FAM83H: variants seen among roughly 807,000 people sequenced by gnomAD.
FAM83H encodes scaffolding CK1 anchoring protein H, also known as protein FAM83H.
FAM83H carries 24 observed loss-of-function variants against 30.2 expected under a neutral mutation model. That is an observed-to-expected ratio of 0.79 (90% CI 0.57 to 1.12). The LOEUF (loss-of-function observed/expected upper bound fraction) is 1.12, where lower values mean the gene tolerates loss of function less well. FAM83H is among the 50% of genes most tolerant of loss of function. The pLI is 0.00. For synonymous variants in FAM83H, 1,013 were observed against 821.7 expected (o/e 1.23, Z -3.98); for missense variants, 2,038 against 1,773.9 (o/e 1.15, Z -2.67).
Position 143,728,273 on chromosome 8 carries a change from G to A in FAM83H, c.1188C>T (p.Phe396=), listed in dbSNP as rs1405295594. ...PAGELAGARG[F]FQARHLEMDA... ...CCATCTCCAGGTGCCGCGCCTGGAA[G>A]AAGCCCCGCGCGCCCGCGAGCTCCC... Residue 396 remains phenylalanine (F), a synonymous_variant, in exon 5 of 5, where the codon TTC becomes TTT. Transcript: ENST00000388913. 5.9e-6 allele frequency: 9 copies of A among 1,529,234 alleles called. No individual in the cohort carries two copies. The highest frequency in any genetic ancestry group is 2.0e-5 in the Admixed American group (1 of 49,440). 94.7% of individuals were successfully genotyped at this position (1,529,234 alleles called of 1,614,324 possible). A position where few individuals can be genotyped will look rare whatever the true frequency, so the allele number is the denominator to read the frequency against.
At position 143,725,666 on chromosome 8, in the gene FAM83H, G is replaced by A; in HGVS notation, c.*255C>T. ...CACGCAAGGCTGACGGTGCAGAGAT[G>A]AAGGTGCTGAGGGGAGAAAGGCACT... On this transcript the variant is annotated 3_prime_UTR_variant, in exon 5 of 5. Transcript: ENST00000388913. The A allele has an allele frequency of 1.7e-6, 1 of 602,924 alleles. No homozygotes were observed. The allele number at this position is 602,924 out of a possible 1,614,324, so 37.3% of individuals were successfully genotyped here. A position where few individuals can be genotyped will look rare whatever the true frequency, so the allele number is the denominator to read the frequency against.
rs782362735 is a variant in FAM83H at position 143,727,583 on chromosome 8, G to A, written c.1878C>T (p.Leu626=). ...CTGCTGGGACGCGGAAGGCCGAGGG[G>A]AGCAGGTCGCCGGCAGGTGCCCGGC... ...PGGRAPAGDL[L]PSAFRVPAAF... Residue 626 remains leucine (L), a synonymous_variant, in exon 5 of 5, where the codon CTC becomes CTT. Transcript: ENST00000388913. 7 of 1,586,142 alleles carry A rather than the reference G, an allele frequency of 4.4e-6. No homozygotes were observed. Among genetic ancestry groups the A allele is most frequent in the Middle Eastern group, 3.8e-4 (2 of 5,258 alleles).
At position 143,729,281 on chromosome 8, in the gene FAM83H, G is replaced by A. The variant is rs1554623799; in HGVS notation, c.490C>T (p.Leu164Phe). Residue 164 changes from leucine (L) to phenylalanine (F), a missense_variant, in exon 3 of 5, where the codon CTC (leucine) becomes TTC (phenylalanine). Transcript: ENST00000388913. ...GCCGCGGCCTCCAGCACTTCGCTGA[G>A]CAGGTCCACATCAGTGAACATGTCC... is the stretch of plus-strand genomic sequence containing the variant. ...VMDMFTDVDLLSEVLEAAARR... is the reference protein window; with the variant it reads ...VMDMFTDVDLFSEVLEAAARR... 2 of 1,613,384 alleles carry A rather than the reference G, an allele frequency of 1.2e-6. No homozygotes were observed. The highest frequency in any genetic ancestry group is 2.2e-5 in the East Asian group (1 of 44,874).
At chr8:143,732,760 C>G (rs1334105085) in intron 1 of FAM83H, 1 of 984,192 alleles carries the variant, frequency 1.0e-6, no homozygotes, top group Non-Finnish European at 1.2e-6. Context: ...GATGGAGCAC[C>G]CCAGTGGCCT....
In FAM83H at chr8:143,724,068, A is replaced by G. The variant is rs1205975113; in HGVS notation, c.*1853T>C. On this transcript the variant is annotated 3_prime_UTR_variant, in exon 5 of 5. Transcript: ENST00000388913. ...TGGCCTCTCCATGGACTCCAGCTGG[A>G]GAGCCTGTCCGCTCAGCAACACCCC... is the stretch of plus-strand genomic sequence containing the variant. 2.0e-5 allele frequency: 3 copies of G among 152,282 alleles called. No individual in the cohort carries two copies. Among genetic ancestry groups the G allele is most frequent in the African/African-American group, 7.2e-5 (3 of 41,454 alleles). 9.4% of individuals were successfully genotyped at this position (152,282 alleles called of 1,614,324 possible).
Position 143,728,204 on chromosome 8 carries a change from G to GGCGCCC in FAM83H, c.1251_1256dup (p.Gly418_Ala419dup), listed in dbSNP as rs781839808. The GGCGCCC allele has an allele frequency of 6.2e-7, 1 of 1,601,244 alleles. No homozygotes were observed. The highest frequency in any genetic ancestry group is 8.5e-7 in the Non-Finnish European group (1 of 1,177,580). On this transcript the variant is annotated inframe_insertion, in exon 5 of 5. Coordinates refer to ENST00000388913, the MANE Select transcript of FAM83H (RefSeq NM_198488.5). ...GCCGCGCGGCCGCGAAGTTCTCCACGGCGCCCGCGCCCTCGGTCGCGAAGC... is the reference window on the plus strand; with the variant it reads ...GCCGCGCGGCCGCGAAGTTCTCCACGGCGCCCGCGCCCGCGCCCTCGGTCGCGAAGC...
At chr8:143,729,528 AG>A (rs1563761246) in intron 2 of FAM83H, among the ~76,000 whole-genome samples, 1 of 152,154 alleles carries the variant, frequency 6.6e-6, no homozygotes, top group Non-Finnish European at 1.5e-5. Flanking sequence ...GCTGGCCATA[AG>A]GGGGAAACCG....
In FAM83H at chr8:143,726,103, G is replaced by A; in HGVS notation, c.3358C>T (p.Leu1120=). The A allele has an allele frequency of 6.2e-7, 1 of 1,610,440 alleles. No homozygotes were observed. The highest frequency in any genetic ancestry group is 8.5e-7 in the Non-Finnish European group (1 of 1,179,062). The change falls in exon 5 of 5, where the codon CTG becomes TTG. Residue 1120 remains leucine, a synonymous_variant. Coordinates refer to ENST00000388913, the MANE Select transcript of FAM83H (RefSeq NM_198488.5). ...TTGCGCATGCTCTCCATGCGGCGCA[G>A]CAGCCGATCGCGCTCCTCCGCGCTG... is the stretch of plus-strand genomic sequence containing the variant. ...PASAEERDRL[L]RRMESMRKEK...
chr8:143,732,658 G>C, intron 1 of FAM83H: 1 of 985,406 alleles, frequency 1.0e-6, no homozygotes, highest in Non-Finnish European at 1.2e-6. Flanking sequence ...GTGATGCCCA[G>C]ACCTCCAACT....
chr8:143,725,574 G>C lies in FAM83H; in HGVS notation c.*347C>G. On this transcript the variant is annotated 3_prime_UTR_variant, in exon 5 of 5. Transcript: ENST00000388913. The stretch of plus-strand genomic sequence containing the variant: ...CCGCTCAACTGCACTCCAGCCCTAG[G>C]TCTCAAAAAAATAAAGGGGGCGGGG... 2.5e-6 allele frequency: 1 copy of C among 403,604 alleles called. No individual in the cohort carries two copies. The highest frequency in any genetic ancestry group is 4.6e-6 in the Non-Finnish European group (1 of 217,906). 25.0% of individuals were successfully genotyped at this position (403,604 alleles called of 1,614,324 possible).
In FAM83H at chr8:143,730,170, T is replaced by A. The variant is rs1554624012; in HGVS notation, c.413A>T (p.Asp138Val). ...GGAACGGATCATCCTGCGGGCCTCATCCTTGATACTGGGGCTGTCGGGGGG... is the reference window on the plus strand; with the variant it reads ...GGAACGGATCATCCTGCGGGCCTCAACCTTGATACTGGGGCTGTCGGGGGG... ...PPPPDSPSIK[D>V]EARRMIRSAQ... The change falls in exon 2 of 5, where the codon GAT becomes GTT. Residue 138 changes from aspartate to valine, a missense_variant. Physicochemically the swap from Asp to Val is radical, Grantham distance 152 (BLOSUM62 -3). Coordinates refer to ENST00000388913, the MANE Select transcript of FAM83H (RefSeq NM_198488.5). The A allele has an allele frequency of 2.5e-6, 4 of 1,601,972 alleles. No individual in the cohort carries two copies. Among genetic ancestry groups the A allele is most frequent in the Non-Finnish European group, 3.4e-6 (4 of 1,172,240 alleles).
At position 143,729,084 on chromosome 8, in the gene FAM83H, C is replaced by T. The variant is rs782737425; in HGVS notation, c.620G>A (p.Arg207His). The change falls in exon 4 of 5, where the codon CGC becomes CAC. Residue 207 changes from arginine (R) to histidine (H), a missense_variant. Transcript: ENST00000388913. ...RVNLQHVDFL[R>H]VRTVAGPTYY... ...GGTGGGGCCCGCCACAGTCCGTACG[C>T]GCAGGAACTGGGGAGGGAGGGGAGT... 5 of 1,613,518 alleles carry T rather than the reference C, an allele frequency of 3.1e-6. No homozygotes were observed. The highest frequency in any genetic ancestry group is 1.1e-5 in the South Asian group (1 of 91,088).
rs11136321 is a variant in FAM83H at position 143,726,577 on chromosome 8, G to A, written c.2884C>T (p.Leu962=). 1,172,781 of 1,602,914 alleles carry A rather than the reference G, an allele frequency of 0.73. 441,022 individuals are homozygous for A. The highest frequency in any genetic ancestry group is 0.78 in the Non-Finnish European group (919,548 of 1,179,318). Residue 962 remains leucine, a synonymous_variant, in exon 5 of 5, where the codon CTG becomes TTG. Coordinates refer to ENST00000388913, the MANE Select transcript of FAM83H (RefSeq NM_198488.5). ...CTAAGACGCAAGGAGCCTTTGCGCA[G>A]GACTTCCATGGGGCCGCTCGGCCCC... is the stretch of plus-strand genomic sequence containing the variant. ...EEGPSGPMEV[L]RKGSLRLRQL...
At chr8:143,731,971 C>T (rs782622582) in intron 1 of FAM83H, 168 of 985,348 alleles carry the variant, frequency 1.7e-4, no homozygotes, top group Non-Finnish European at 2.0e-4. Flanking sequence ...CACTGCTCCT[C>T]GGGTTGGGGA....
intron 1 of FAM83H, chr8:143,731,570 C>T: frequency 1.6e-5 from 16 of 985,236 alleles, no homozygotes; most frequent in Non-Finnish European, 1.9e-5. Context: ...CTCCCAGCAC[C>T]CCCTCCTTCC....
Position 143,728,529 on chromosome 8 carries a change from A to G in FAM83H, c.932T>C (p.Val311Ala). The change falls in exon 5 of 5, where the codon GTC becomes GCC. Residue 311 changes from valine to alanine, a missense_variant. Physicochemically the swap from Val to Ala is moderately conservative, Grantham distance 64. Transcript: ENST00000388913. ...GGGGGTTGGCGCCCCGACCCCAGGGACGCCCACGAGAGGCCCGGCCCCGGC... is the reference window on the plus strand; with the variant it reads ...GGGGGTTGGCGCCCCGACCCCAGGGGCGCCCACGAGAGGCCCGGCCCCGGC... ...PYAGAGPLVG[V>A]PGVGAPTPFS... 6.4e-7 allele frequency: 1 copy of G among 1,564,708 alleles called. No homozygotes were observed. Among genetic ancestry groups the G allele is most frequent in the Non-Finnish European group, 8.7e-7 (1 of 1,155,022 alleles).
chr8:143,730,490 C>A lies in FAM83H; in HGVS notation c.93G>T (p.Ala31=). 6.2e-7 allele frequency: 1 copy of A among 1,607,150 alleles called. No individual in the cohort carries two copies. Residue 31 remains alanine (A), a synonymous_variant, in exon 2 of 5, where the codon GCG becomes GCT. Transcript: ENST00000388913. The part of the protein sequence containing the change: ...PPHYKEYYRL[A]VDALAEGGSE... ...AGCCACCCTCGGCCAGTGCATCCACCGCCAGGCGGTAGTACTCTTTGTAGT... is the reference window on the plus strand; with the variant it reads ...AGCCACCCTCGGCCAGTGCATCCACAGCCAGGCGGTAGTACTCTTTGTAGT...
intron 1 of FAM83H, chr8:143,732,708 C>T (rs1370980402): frequency 1.0e-6 from 1 of 985,376 alleles, no homozygotes; most frequent in Non-Finnish European, 1.2e-6. Context: ...GGGTACGTGT[C>T]TCCTGGGCTA....
rs1554620870 is a variant in FAM83H at position 143,724,376 on chromosome 8, G to A, written c.*1545C>T. On this transcript the variant is annotated 3_prime_UTR_variant, in exon 5 of 5. Coordinates refer to ENST00000388913, the MANE Select transcript of FAM83H (RefSeq NM_198488.5). ...TACACTAAAAAAAAAATTAGTTTTT[G>A]AAAAGAAATAGGAGAATACAGAAAC... is the stretch of plus-strand genomic sequence containing the variant. 1 of 152,134 alleles carries A rather than the reference G, an allele frequency of 6.6e-6. No individual in the cohort carries two copies. Among genetic ancestry groups the A allele is most frequent in the East Asian group, 1.9e-4 (1 of 5,206 alleles). The allele number at this position is 152,134 out of a possible 1,614,324, so 9.4% of individuals were successfully genotyped here.
Sources: allele counts gnomAD v4.1 joint callset (sites outside exome capture counted in the v4.1 genomes callset), GRCh38; gene constraint gnomAD v4.1.1; transcripts MANE v1.5; gene names NCBI Gene and HGNC (gene_info 2026-07-23, HGNC 2026-07-21).